NRDC: variants seen among roughly 807,000 people sequenced by gnomAD.
NRDC encodes the protein nardilysin convertase.
Under a neutral mutation model 147.1 loss-of-function variants are expected in NRDC, and 54 were observed. The observed-to-expected ratio is 0.37, with a 90% CI of 0.29 to 0.46. NRDC has a LOEUF of 0.46. Ranked by LOEUF, NRDC falls within the 20% of genes least tolerant of loss-of-function variation. The pLI, the probability that NRDC is intolerant of heterozygous loss-of-function variation, is 1.00. For missense variants in NRDC, 1,082 were observed against 1,370.6 expected (o/e 0.79, Z 3.33); for synonymous variants, 440 against 482.1 (o/e 0.91, Z 1.14).
At chr1:51,793,159 C>T (rs1278853181) in intron 24 of NRDC, among the ~76,000 whole-genome samples, 1 of 152,188 alleles carries the variant, frequency 6.6e-6, no homozygotes, top group Non-Finnish European at 1.5e-5. Flanking sequence ...CCAATGCTCT[C>T]TGAGAAAGGA....
At chr1:51,867,667 A>G (rs1371459409) in intron 1 of NRDC, among the ~76,000 whole-genome samples, 1 of 152,238 alleles carries the variant, frequency 6.6e-6, no homozygotes, top group Non-Finnish European at 1.5e-5. Context: ...ACTATGCAGT[A>G]TGATGCTGAT....
At chr1:51,850,155 C>G (rs1199502606) in intron 1 of NRDC, among the ~76,000 whole-genome samples, 1 of 151,420 alleles carries the variant, frequency 6.6e-6, no homozygotes, top group Non-Finnish European at 1.5e-5. Flanking sequence ...CCAGCCCGGG[C>G]AACAGAGCGA....
Position 51,812,281 on chromosome 1 carries a change from G to C in NRDC, c.1675-183C>G, listed in dbSNP as rs369707971. Among the ~76,000 whole-genome samples, 221 of 152,270 alleles carry C rather than the reference G, an allele frequency of 1.5e-3. 1 individual carries two copies. Among genetic ancestry groups the C allele is most frequent in the Admixed American group, 5.6e-3 (86 of 15,286 alleles). The stretch of plus-strand genomic sequence containing the variant: ...CAGTAGGCTGGACATAGTGGCTCAC[G>C]CCTGTAATCCCAGCATTTGGGAGAC... On this transcript the variant is annotated intron_variant, in intron 14 of 30. Transcript: ENST00000352171.
chr1:51,875,306 G>T (rs1328015505), intron 1 of NRDC, among the ~76,000 whole-genome samples: 1 of 152,156 alleles, frequency 6.6e-6, no homozygotes, highest in African/African-American at 2.4e-5. Flanking sequence ...AAAGGGGAGG[G>T]TTATTGAAAA....
At chr1:51,846,413 C>T (rs534260023) in intron 1 of NRDC, among the ~76,000 whole-genome samples, 10 of 152,296 alleles carry the variant, frequency 6.6e-5, no homozygotes, top group South Asian at 4.1e-4. Flanking sequence ...CGTGCACAGC[C>T]GACACTTTAT....
At chr1:51,843,477 T>C (rs546811650) in intron 1 of NRDC, among the ~76,000 whole-genome samples, 55 of 152,338 alleles carry the variant, frequency 3.6e-4, no homozygotes, top group African/African-American at 1.3e-3. Flanking sequence ...TTCTACAAGT[T>C]GCTGCCCCTA....
chr1:51,850,189 T>TAATA (rs1281417693), intron 1 of NRDC, among the ~76,000 whole-genome samples: 2 of 151,168 alleles, frequency 1.3e-5, no homozygotes, highest in East Asian at 1.9e-4. Flanking sequence ...AAAAAAATAA[T>TAATA]AATAAATAAA....
At chr1:51,814,207 C>T (rs1679854218) in intron 13 of NRDC, 118 bp from the exon 14 acceptor site, 2 of 646,020 alleles carry the variant, frequency 3.1e-6, no homozygotes, top group East Asian at 5.5e-5. Context: ...GGCTTAGTAC[C>T]TGGGTGACAA....
chr1:51,792,946 T>C (rs1678723084), intron 24 of NRDC, among the ~76,000 whole-genome samples: 1 of 152,162 alleles, frequency 6.6e-6, no homozygotes, highest in Non-Finnish European at 1.5e-5. Flanking sequence ...GGCAAAATAA[T>C]GCATTCAGAA....
intron 1 of NRDC, among the ~76,000 whole-genome samples, chr1:51,847,371 T>G (rs1681693443): frequency 1.3e-5 from 2 of 152,204 alleles, no homozygotes; most frequent in Non-Finnish European, 2.9e-5. Flanking sequence ...TCCCCTGCCT[T>G]GCGCCCGCAC....
Position 51,878,535 on chromosome 1 carries a change from G to C in NRDC, c.81C>G (p.Leu27=), listed in dbSNP as rs1318283671. The C allele has an allele frequency of 6.2e-7, 1 of 1,613,704 alleles. No homozygotes were observed. Among genetic ancestry groups the C allele is most frequent in the Non-Finnish European group, 8.5e-7 (1 of 1,179,904 alleles). ...LCEAGRELAA[L]WGIETRGRCE... is the part of the protein sequence containing the mutation. ...ACCGACCCCGCGTTTCGATTCCCCA[G>C]AGCGCCGCGAGCTCCCGCCCGGCCT... The change falls in exon 1 of 31, where the codon CTC becomes CTG. Residue 27 remains leucine (L), a synonymous_variant. Transcript: ENST00000352171.
chr1:51,840,574 G>A (rs1236510691), intron 1 of NRDC, 60 bp from the exon 2 acceptor site: 5 of 1,113,604 alleles, frequency 4.5e-6, no homozygotes, highest in Non-Finnish European at 3.9e-6. Context: ...ACCAATACAA[G>A]TAATCAGCTT....
Position 51,823,772 on chromosome 1 carries a change from G to T in NRDC, c.1051C>A (p.Leu351Ile). The T allele has an allele frequency of 6.2e-7, 1 of 1,600,618 alleles. No homozygotes were observed. Among genetic ancestry groups the T allele is most frequent in the Non-Finnish European group, 8.5e-7 (1 of 1,172,156 alleles). The change falls in exon 7 of 31, where the codon CTC becomes ATC. Residue 351 changes from leucine to isoleucine, a missense_variant. By Grantham distance (5) the Leu-to-Ile change is conservative. Around this residue, in one of 3 missense-constraint regions of NRDC, gnomAD observed 635 missense variants for 923.8 expected, o/e 0.69. Transcript: ENST00000352171. ...GKFFWGNAETLKHEPRKNNID... is the reference protein window; with the variant it reads ...GKFFWGNAETIKHEPRKNNID... ...TTATTCTTTCTTGGCTCATGCTTGA[G>T]CGTCTCAGCATTTCCTATAAAAGAA... is the stretch of plus-strand genomic sequence containing the variant.
chr1:51,862,255 C>T (rs72663154), intron 1 of NRDC: 2,936 of 152,020 alleles, frequency 0.019, 45 homozygotes, highest in Non-Finnish European at 0.029. Flanking sequence ...CTTTCCCCCC[C>T]GCCAATAAAA....
chr1:51,836,742 G>A (rs1040591164), intron 2 of NRDC, among the ~76,000 whole-genome samples: 2 of 152,010 alleles, frequency 1.3e-5, no homozygotes, highest in Non-Finnish European at 2.9e-5. Flanking sequence ...AAAATAGTAA[G>A]TGATAAAAAA....
chr1:51,831,323 T>C (rs1278087757), intron 4 of NRDC, among the ~76,000 whole-genome samples: 2 of 152,220 alleles, frequency 1.3e-5, no homozygotes, highest in African/African-American at 4.8e-5. Context: ...TTATTTTTCC[T>C]TCTTTGTATA....
At chr1:51,792,567 A>G in intron 24 of NRDC, 143 bp from the exon 25 acceptor site, 1 of 726,386 alleles carries the variant, frequency 1.4e-6, no homozygotes. Context: ...GATGTTGTTT[A>G]CATATCTGCT....
intron 21 of NRDC, chr1:51,798,925 A>G (rs61783361): frequency 0.037 from 5,569 of 152,496 alleles, 144 homozygotes; most frequent in Middle Eastern, 0.13. Context: ...CTATGATTCA[A>G]TTTCTTCATT....
intron 1 of NRDC, among the ~76,000 whole-genome samples, chr1:51,846,176 G>T (rs1000137268): frequency 6.6e-6 from 1 of 151,662 alleles, no homozygotes; most frequent in Non-Finnish European, 1.5e-5. Context: ...CAGTGGTGCC[G>T]TCTCGGCTCA....
Sources: gnomAD v4.1 joint callset for allele counts (sites outside exome capture counted in the v4.1 genomes callset) on GRCh38, gnomAD v4.1.1 for gene constraint, gnomAD v4.1.1 regional missense constraint, MANE v1.5 for transcripts, NCBI Gene and HGNC (gene_info 2026-07-23, HGNC 2026-07-21) for gene names.